The following TENM3 variants were observed in gnomAD, a reference collection of about 807,000 sequenced individuals.
TENM3 encodes the protein teneurin transmembrane protein 3, also known as teneurin-3.
A neutral mutation model predicts 255.1 loss-of-function variants in TENM3; 63 were observed. That is an observed-to-expected ratio of 0.25 (90% CI 0.20 to 0.30). The LOEUF (loss-of-function observed/expected upper bound fraction) is 0.30, where lower values mean the gene tolerates loss of function less well. Among genes scored for constraint, TENM3 ranks in the 10% least tolerant of loss-of-function variants. The pLI, the probability that TENM3 is intolerant of heterozygous loss-of-function variation, is 1.00. For missense variants in TENM3, 2,929 were observed against 3,461.1 expected (o/e 0.85, Z 3.86); for synonymous variants, 1,306 against 1,322.3 (o/e 0.99, Z 0.27).
At chr4:182,195,067 A>ACACT (rs1554029629) in intron 1 of TENM3, among the ~76,000 whole-genome samples, 1 of 146,168 alleles carries the variant, frequency 6.8e-6, no homozygotes, top group African/African-American at 2.5e-5. Flanking sequence ...ACACACACAC[A>ACACT]CTTATATATT....
At chr4:181,763,387 A>C in the TENM3 span, among the ~76,000 whole-genome samples, 23 of 152,296 alleles carry the variant, frequency 1.5e-4, no homozygotes, top group South Asian at 4.1e-3. Flanking sequence ...CAATTAACAT[A>C]ATTTTCCAGA....
the TENM3 span, among the ~76,000 whole-genome samples, chr4:181,671,591 A>G: frequency 1.3e-5 from 2 of 152,126 alleles, no homozygotes; most frequent in African/African-American, 2.4e-5. Flanking sequence ...CATGTAAAGC[A>G]CCTTAGCACT....
At chr4:182,505,771 A>G (rs938089218) in intron 3 of TENM3, among the ~76,000 whole-genome samples, 1 of 152,034 alleles carries the variant, frequency 6.6e-6, no homozygotes, top group African/African-American at 2.4e-5. Context: ...TTCTTTTTCA[A>G]ACCCAAATCT....
the TENM3 span, among the ~76,000 whole-genome samples, chr4:181,857,766 A>G: frequency 2.7e-4 from 41 of 152,064 alleles, no homozygotes; most frequent in African/African-American, 9.4e-4. Context: ...CCCCAAACAA[A>G]AAAAAAAGAG....
chr4:182,748,450 G>A (rs931214254), intron 19 of TENM3, among the ~76,000 whole-genome samples: 3 of 152,076 alleles, frequency 2.0e-5, no homozygotes, highest in Non-Finnish European at 4.4e-5. Context: ...ACCACTCGTT[G>A]TACCCACACA....
the TENM3 span, among the ~76,000 whole-genome samples, chr4:181,597,923 T>C: frequency 6.6e-6 from 1 of 152,218 alleles, no homozygotes; most frequent in Non-Finnish European, 1.5e-5. Context: ...GCCTTAAGAA[T>C]AATATTACTC....
At chr4:182,526,775 G>A (rs976016527) in intron 3 of TENM3, among the ~76,000 whole-genome samples, 4 of 152,130 alleles carry the variant, frequency 2.6e-5, no homozygotes, top group Non-Finnish European at 5.9e-5. Flanking sequence ...ATTTAGCATG[G>A]TAGTACATCT....
chr4:182,043,430 G>A, the TENM3 span, among the ~76,000 whole-genome samples: 1 of 152,118 alleles, frequency 6.6e-6, no homozygotes, highest in Admixed American at 6.5e-5. Flanking sequence ...ACAACTGCCT[G>A]TAGAAACCAA....
chr4:182,164,388 T>C (rs1751570971), intron 1 of TENM3, among the ~76,000 whole-genome samples: 1 of 152,172 alleles, frequency 6.6e-6, no homozygotes, highest in African/African-American at 2.4e-5. Flanking sequence ...TTAATATTGC[T>C]TTCTAAGTAT....
In TENM3 at chr4:182,777,547, C is replaced by CTTTTTT. The variant is rs1157448732; in HGVS notation, c.5304+2417_5304+2422dup. 9.8e-3 allele frequency among the ~76,000 whole-genome samples: 447 copies of CTTTTTT among 45,492 alleles called. 34 individuals are homozygous for CTTTTTT. Among genetic ancestry groups the CTTTTTT allele is most frequent in the African/African-American group, 0.012 (143 of 11,590 alleles). The allele number at this position is 45,492 out of a possible 152,430, so 29.8% of individuals were successfully genotyped here. The stretch of plus-strand genomic sequence containing the variant: ...TGTGTGTGTGTGTGTGTGTGTATTT[C>CTTTTTT]TTTTTTTTTTTTTTTTTTTTTTTTT... On this transcript the variant is annotated intron_variant, in intron 24 of 27. Transcript: ENST00000511685.
chr4:181,895,035 A>G, the TENM3 span, among the ~76,000 whole-genome samples: 1 of 152,032 alleles, frequency 6.6e-6, no homozygotes, highest in African/African-American at 2.4e-5. Context: ...TTATTTATTT[A>G]TTCAGCAAGA....
chr4:182,264,202 G>C (rs1471836606), intron 1 of TENM3, among the ~76,000 whole-genome samples: 1 of 152,206 alleles, frequency 6.6e-6, no homozygotes, highest in East Asian at 1.9e-4. Context: ...GCTGTATTTT[G>C]AGCTATGAAT....
intron 3 of TENM3, among the ~76,000 whole-genome samples, chr4:182,543,617 A>G (rs901268672): frequency 2.6e-5 from 4 of 152,118 alleles, no homozygotes; most frequent in Middle Eastern, 6.3e-3. Flanking sequence ...TTAAAGTCTC[A>G]TCTTTTTTTT....
chr4:182,005,439 G>A, the TENM3 span, among the ~76,000 whole-genome samples: 5 of 152,020 alleles, frequency 3.3e-5, no homozygotes, highest in Admixed American at 6.6e-5. Context: ...TGTCTGTTTT[G>A]GTACCAGTAC....
chr4:181,576,991 A>T, the TENM3 span, among the ~76,000 whole-genome samples: 2 of 129,772 alleles, frequency 1.5e-5, no homozygotes, highest in Admixed American at 1.8e-4. Flanking sequence ...TATTATATAT[A>T]TTATATATAT....
the TENM3 span, among the ~76,000 whole-genome samples, chr4:181,972,954 T>C: frequency 1.7e-4 from 25 of 151,430 alleles, no homozygotes; most frequent in Non-Finnish European, 3.1e-4. Flanking sequence ...CTGACTGCAG[T>C]GGAGGTGTTA....
At chr4:181,855,807 AAAGG>A in the TENM3 span, among the ~76,000 whole-genome samples, 1 of 151,752 alleles carries the variant, frequency 6.6e-6, no homozygotes, top group African/African-American at 2.4e-5. Context: ...AAATGAGAAT[AAAGG>A]AAGGAGAGAA....
the TENM3 span, among the ~76,000 whole-genome samples, chr4:181,498,777 G>A: frequency 6.6e-6 from 1 of 152,132 alleles, no homozygotes; most frequent in African/African-American, 2.4e-5. Context: ...TCAAGCAGAT[G>A]TTTAAATATC....
chr4:181,908,748 C>T, the TENM3 span, among the ~76,000 whole-genome samples: 9 of 152,112 alleles, frequency 5.9e-5, no homozygotes, highest in Admixed American at 4.6e-4. Context: ...TTTAATTTTT[C>T]GTTTGGAGTA....
Sources: gnomAD v4.1 joint callset for allele counts (sites outside exome capture counted in the v4.1 genomes callset) on GRCh38, gnomAD v4.1.1 for gene constraint, MANE v1.5 for transcripts, NCBI Gene and HGNC (gene_info 2026-07-23, HGNC 2026-07-21) for gene names.